Variants in EBF3 observed in about 807,000 individuals in gnomAD.
The protein encoded by EBF3 is transcription factor COE3.
In EBF3, 18 loss-of-function variants were observed where a neutral mutation model predicts 77.1. The ratio of observed to expected loss-of-function variants is 0.23; its 90% confidence interval spans 0.16 to 0.35. The LOEUF (loss-of-function observed/expected upper bound fraction) is 0.35. Among genes scored for constraint, EBF3 ranks in the 10% least tolerant of loss-of-function variants. The pLI, the probability that EBF3 is intolerant of heterozygous loss-of-function variation, is 1.00. For missense variants in EBF3, 558 were observed against 860.0 expected, an observed-to-expected ratio of 0.65 and a Z score of 4.39; for synonymous variants, 350 against 343.5, an observed-to-expected ratio of 1.02 and a Z score of -0.21.
intron 9 of EBF3, 67 bp downstream of exon 9, chr10:129,867,713 ATT>A: frequency 6.3e-7 from 1 of 1,596,882 alleles, no homozygotes; most frequent in East Asian, 2.2e-5. Context: ...TCAATACACT[ATT>A]GACAGCTTGT....
At chr10:129,917,651 CAAAAAAAAAA>C (rs71481019) in intron 6 of EBF3, among the ~76,000 whole-genome samples, 9 of 23,596 alleles carry the variant, frequency 3.8e-4, no homozygotes, top group Admixed American at 7.8e-4. Flanking sequence ...GACCCTGCCT[CAAAAAAAAAA>C]AAAAAAAAAA....
intron 10 of EBF3, 83 bp downstream of exon 10, chr10:129,867,058 G>T (rs990687160): frequency 2.0e-6 from 3 of 1,518,622 alleles, no homozygotes; most frequent in African/African-American, 2.8e-5. Context: ...TCTCTGTACA[G>T]TCCTCCCGTG....
chr10:129,892,441 G>C lies in EBF3; in HGVS notation c.555-14592C>G, dbSNP rs75754517. Among the ~76,000 whole-genome samples the C allele has an allele frequency of 2.9e-4, 44 of 152,344 alleles. No homozygotes were observed. In the East Asian group the frequency reaches 7.9e-3, roughly 27 times the overall value. On this transcript the variant is annotated intron_variant, in intron 6 of 16. Coordinates refer to ENST00000440978, the MANE Select transcript of EBF3 (RefSeq NM_001375380.1). The stretch of plus-strand genomic sequence containing the variant: ...GTTTGGCGATTTCCACTTATTTGGG[G>C]ATTTTGGTGCCACGGATGCCGGACA...
intron 6 of EBF3, among the ~76,000 whole-genome samples, chr10:129,910,334 T>G (rs1855443166): frequency 1.3e-5 from 2 of 152,232 alleles, no homozygotes; most frequent in Admixed American, 6.5e-5. Flanking sequence ...CAAAAGAGAC[T>G]GCTTCTCCTT....
intron 11 of EBF3, 141 bp from the exon 12 acceptor site, chr10:129,843,343 G>C: frequency 1.3e-6 from 1 of 796,810 alleles, no homozygotes; most frequent in Non-Finnish European, 2.0e-6. Flanking sequence ...GCACTTCGAA[G>C]GCAGGCACAG....
chr10:129,852,474 C>G (rs1003109092), intron 10 of EBF3, among the ~76,000 whole-genome samples: 1 of 152,144 alleles, frequency 6.6e-6, no homozygotes, highest in Non-Finnish European at 1.5e-5. Flanking sequence ...AGAGACGTAC[C>G]GGCGGGCAGG....
At chr10:129,884,661 C>T (rs915992395) in intron 6 of EBF3, among the ~76,000 whole-genome samples, 1 of 152,156 alleles carries the variant, frequency 6.6e-6, no homozygotes, top group Non-Finnish European at 1.5e-5. Flanking sequence ...TTGTTGGGGG[C>T]TCCCCTCTCC....
At chr10:129,887,945 G>A (rs1015496699) in intron 6 of EBF3, among the ~76,000 whole-genome samples, 2 of 152,112 alleles carry the variant, frequency 1.3e-5, no homozygotes, top group Non-Finnish European at 2.9e-5. Flanking sequence ...AGGGAAGCCC[G>A]GGACCATGCC....
chr10:129,867,776 G>C lies in EBF3; in HGVS notation c.912+6C>G. On this transcript the variant is annotated splice_donor_region_variant and intron_variant, in intron 9 of 16. Transcript: ENST00000440978. The stretch of plus-strand genomic sequence containing the variant: ...AGCGCGAAGCTGACCGAGTCCGCGG[G>C]CTTACCTCGCTCCACACCAACATAG... The C allele has an allele frequency of 6.2e-7, 1 of 1,613,402 alleles. No individual in the cohort carries two copies. The highest frequency in any genetic ancestry group is 8.5e-7 in the Non-Finnish European group (1 of 1,179,710).
At chr10:129,955,664 T>C (rs943146288) in intron 6 of EBF3, among the ~76,000 whole-genome samples, 1 of 152,256 alleles carries the variant, frequency 6.6e-6, no homozygotes, top group Non-Finnish European at 1.5e-5. Context: ...GTTGCACAAA[T>C]CCAAAGTGAT....
chr10:129,899,743 G>A (rs1854652862), intron 6 of EBF3, among the ~76,000 whole-genome samples: 2 of 152,306 alleles, frequency 1.3e-5, no homozygotes, highest in East Asian at 1.9e-4. Context: ...GAAAGTCCAG[G>A]TGACAAGTTC....
chr10:129,929,037 G>C (rs1461705281), intron 6 of EBF3, among the ~76,000 whole-genome samples: 2 of 152,166 alleles, frequency 1.3e-5, no homozygotes, highest in Non-Finnish European at 2.9e-5. Flanking sequence ...CAAACAAGGA[G>C]ACCCTCGGGC....
chr10:129,908,469 T>C (rs192982238), intron 6 of EBF3, among the ~76,000 whole-genome samples: 25 of 152,354 alleles, frequency 1.6e-4, no homozygotes, highest in African/African-American at 4.8e-4. Context: ...GCAATGGTTA[T>C]TGGATTAGGG....
At chr10:129,911,823 T>C (rs1408914656) in intron 6 of EBF3, among the ~76,000 whole-genome samples, 2 of 152,122 alleles carry the variant, frequency 1.3e-5, no homozygotes, top group African/African-American at 4.8e-5. Flanking sequence ...CCAAGTGCCC[T>C]CTCACCCACA....
At chr10:129,859,628 A>G (rs1470418313) in intron 10 of EBF3, among the ~76,000 whole-genome samples, 2 of 152,252 alleles carry the variant, frequency 1.3e-5, no homozygotes, top group Admixed American at 1.3e-4. Context: ...TCCAAGCCTC[A>G]GCCTAGAGCC....
intron 6 of EBF3, among the ~76,000 whole-genome samples, chr10:129,912,704 C>T (rs1359811535): frequency 1.3e-5 from 2 of 152,210 alleles, no homozygotes; most frequent in African/African-American, 4.8e-5. Context: ...TGCAATTCTT[C>T]TGACAACAGT....
In EBF3 at chr10:129,840,172, GC is replaced by G. The variant is rs563383984; in HGVS notation, c.1759+72del. ...ACAGAGGTGCCAGGAGAAAGGCCGA[GC>G]CCCCACCCCCACTCCCATCCCCACC... On this transcript the variant is annotated intron_variant, in intron 15 of 16. Coordinates refer to ENST00000440978, the MANE Select transcript of EBF3 (RefSeq NM_001375380.1). The G allele has an allele frequency of 7.8e-5, 113 of 1,456,154 alleles. 1 individual carries two copies. The South Asian group carries it at 1.3e-3, about 16-fold the overall frequency. 90.2% of individuals were successfully genotyped at this position (1,456,154 alleles called of 1,614,324 possible). A position where few individuals can be genotyped will look rare whatever the true frequency, so the allele number is the denominator to read the frequency against.
intron 6 of EBF3, among the ~76,000 whole-genome samples, chr10:129,923,306 G>A (rs935284958): frequency 3.3e-5 from 5 of 152,172 alleles, no homozygotes; most frequent in African/African-American, 1.2e-4. Context: ...GGATGATGTA[G>A]ACACTCAGTA....
At chr10:129,948,191 G>A (rs1250170369) in intron 6 of EBF3, among the ~76,000 whole-genome samples, 1 of 147,094 alleles carries the variant, frequency 6.8e-6, no homozygotes, top group Non-Finnish European at 1.5e-5. Flanking sequence ...CTGGGAGAAG[G>A]AGGTTGCAGT....
Sources: gnomAD v4.1 joint callset for allele counts (sites outside exome capture counted in the v4.1 genomes callset) on GRCh38, gnomAD v4.1.1 for gene constraint, MANE v1.5 for transcripts, NCBI Gene and HGNC (gene_info 2026-07-23, HGNC 2026-07-21) for gene names.